The following CYFIP2 variants were observed in gnomAD, a reference collection of about 807,000 sequenced individuals.
CYFIP2 encodes the protein cytoplasmic FMR1 interacting protein 2.
CYFIP2 carries 29 observed loss-of-function variants against 158.7 expected under a neutral mutation model. The observed-to-expected ratio is 0.18, with a 90% CI of 0.14 to 0.25. CYFIP2 has a LOEUF of 0.25. Among genes scored for constraint, CYFIP2 ranks in the 10% least tolerant of loss-of-function variants. The probability of loss-of-function intolerance (pLI) is 1.00; values close to 1 mark genes in which losing one functional copy is unlikely to be tolerated. For synonymous variants in CYFIP2, 585 were observed against 617.6 expected, an observed-to-expected ratio of 0.95 and a Z score of 0.78; for missense variants, 852 against 1,639.5, an observed-to-expected ratio of 0.52 and a Z score of 8.29.
rs1413500030 is a variant in CYFIP2 at position 157,304,519 on chromosome 5, T to A, written c.795+153T>A. 4 of 821,294 alleles carry A rather than the reference T, an allele frequency of 4.9e-6. No homozygotes were observed. The East Asian group carries it at 1.1e-4, about 22-fold the overall frequency. 50.9% of individuals were successfully genotyped at this position (821,294 alleles called of 1,614,324 possible). A position where few individuals can be genotyped will look rare whatever the true frequency, so the allele number is the denominator to read the frequency against. The stretch of plus-strand genomic sequence containing the variant: ...AATGGTTTGTAACCTGTTCCTTTCC[T>A]GTAATATAATATACCGTAGTCACCT... On this transcript the variant is annotated intron_variant, in intron 8 of 30. Transcript: ENST00000620254.
intron 26 of CYFIP2, among the ~76,000 whole-genome samples, chr5:157,372,744 A>C (rs1765107248): frequency 6.6e-6 from 1 of 152,204 alleles, no homozygotes; most frequent in South Asian, 2.1e-4. Flanking sequence ...ATACCAGTTT[A>C]AGATCCAAGA....
rs147183365 is a variant in CYFIP2 at position 157,360,754 on chromosome 5, C to T, written c.2908+382C>T. Among the ~76,000 whole-genome samples, 315 of 152,324 alleles carry T rather than the reference C, an allele frequency of 2.1e-3. 1 individual carries two copies. The highest frequency in any genetic ancestry group is 7.0e-3 in the African/African-American group (289 of 41,564). On this transcript the variant is annotated intron_variant, in intron 25 of 30. Coordinates refer to ENST00000620254, the MANE Select transcript of CYFIP2 (RefSeq NM_001037333.3). ...TCCAGGCAGTGGTGCCAAGTTGACACATCTAAGATAAGTCAGGAAATGGAC... is the reference window on the plus strand; with the variant it reads ...TCCAGGCAGTGGTGCCAAGTTGACATATCTAAGATAAGTCAGGAAATGGAC...
chr5:157,286,552 G>A (rs1190188326), intron 2 of CYFIP2, among the ~76,000 whole-genome samples: 5 of 138,118 alleles, frequency 3.6e-5, no homozygotes, highest in African/African-American at 1.4e-4. Context: ...GCTATTTTAT[G>A]TATATATATA....
rs1262620140 is a variant in CYFIP2 at position 157,311,400 on chromosome 5, A to C, written c.993-264A>C. 2.0e-6 allele frequency: 1 copy of C among 508,380 alleles called. No homozygotes were observed. Among genetic ancestry groups the C allele is most frequent in the Non-Finnish European group, 3.6e-6 (1 of 279,534 alleles). The allele number at this position is 508,380 out of a possible 1,614,324, so 31.5% of individuals were successfully genotyped here. On this transcript the variant is annotated intron_variant, in intron 10 of 30. Transcript: ENST00000620254. This position sits in a 1 kb window ranked among gnomAD's most constrained non-coding sequence, Gnocchi z 4.7. ...CGCCCCTCTCATATTACTGGTAAGTATTATGGACCAGGTATCTGGAAAGGC... is the reference window on the plus strand; with the variant it reads ...CGCCCCTCTCATATTACTGGTAAGTCTTATGGACCAGGTATCTGGAAAGGC...
chr5:157,386,992 A>G lies in CYFIP2; in HGVS notation c.3208-2197A>G, dbSNP rs140751026. On this transcript the variant is annotated intron_variant, in intron 28 of 30. Coordinates refer to ENST00000620254, the MANE Select transcript of CYFIP2 (RefSeq NM_001037333.3). ...GTTCATAATTGTGAGTTTGTAAACAATTTAAGATAACCAAGTATATACGAC... is the reference window on the plus strand; with the variant it reads ...GTTCATAATTGTGAGTTTGTAAACAGTTTAAGATAACCAAGTATATACGAC... Among the ~76,000 whole-genome samples, 428 of 152,084 alleles carry G rather than the reference A, an allele frequency of 2.8e-3. 2 individuals carry two copies. The highest frequency in any genetic ancestry group is 0.01 in the African/African-American group (417 of 41,490).
At chr5:157,340,230 CA>C (rs539778351) in intron 22 of CYFIP2, among the ~76,000 whole-genome samples, 1 of 151,666 alleles carries the variant, frequency 6.6e-6, no homozygotes, top group African/African-American at 2.4e-5. Flanking sequence ...TGTAAGGATG[CA>C]AAAAAAATGT....
intron 26 of CYFIP2, chr5:157,375,630 T>G (rs1220531027): frequency 9.4e-6 from 1 of 105,830 alleles, no homozygotes; most frequent in African/African-American, 3.8e-5. Context: ...GTTGATTTTT[T>G]TTTGCGATTT....
At chr5:157,380,526 C>T (rs1196728678) in intron 26 of CYFIP2, among the ~76,000 whole-genome samples, 1 of 152,150 alleles carries the variant, frequency 6.6e-6, no homozygotes, top group Non-Finnish European at 1.5e-5. Flanking sequence ...GTGGTTTTGT[C>T]TCCAAAAAAT....
Position 157,361,664 on chromosome 5 carries a change from T to C in CYFIP2, c.3039+66T>C. 1.3e-6 allele frequency: 2 copies of C among 1,594,308 alleles called. No individual in the cohort carries two copies. The highest frequency in any genetic ancestry group is 8.6e-7 in the Non-Finnish European group (1 of 1,166,342). ...GGAGGGGATGCCAACCCCAAGCAGA[T>C]ATTGAGGCTCCTGCAGCATTGATTT... is the stretch of plus-strand genomic sequence containing the variant. On this transcript the variant is annotated intron_variant, in intron 26 of 30. Transcript: ENST00000620254. This position sits in a 1 kb window ranked among gnomAD's most constrained non-coding sequence, Gnocchi z 4.4.
In CYFIP2 at chr5:157,285,398, A is replaced by G. The variant is rs1359793519; in HGVS notation, c.37A>G (p.Asn13Asp). 6.3e-7 allele frequency: 1 copy of G among 1,579,406 alleles called. No individual in the cohort carries two copies. Reference sequence around the variant, plus strand: ...CGTCACCCTGGAAGATGCCCTGTCCAACGTGGACCTGCTTGAAGAGCTTCC... The same window carrying G: ...CGTCACCCTGGAAGATGCCCTGTCCGACGTGGACCTGCTTGAAGAGCTTCC... ...THVTLEDALS[N>D]VDLLEELPLP... The change falls in exon 2 of 31, where the codon AAC becomes GAC. Residue 13 changes from asparagine (N) to aspartate (D), a missense_variant. By Grantham distance (23) the Asn-to-Asp change is conservative (BLOSUM62 1). Coordinates refer to ENST00000620254, the MANE Select transcript of CYFIP2 (RefSeq NM_001037333.3).
In CYFIP2 at chr5:157,330,758, C is replaced by T. The variant is rs535692197; in HGVS notation, c.2173C>T (p.Arg725Cys). The change falls in exon 20 of 31, where the codon CGT becomes TGT. Residue 725 changes from arginine to cysteine, a missense_variant. By Grantham distance (180) the Arg-to-Cys change is radical (BLOSUM62 -3). Transcript: ENST00000620254. Reference sequence around the variant, plus strand: ...TCCTTGCAGTGTCCTGTTGGATAAACGTTTTCGAGCTGAGTGTAAGAATTA... The same window carrying T: ...TCCTTGCAGTGTCCTGTTGGATAAATGTTTTCGAGCTGAGTGTAAGAATTA... Reference protein sequence around the residue: ...AMAGSVLLDKRFRAECKNYGV... With the variant: ...AMAGSVLLDKCFRAECKNYGV... 4.3e-6 allele frequency: 7 copies of T among 1,613,970 alleles called. No homozygotes were observed. The South Asian group carries it at 5.5e-5, about 13-fold the overall frequency.
At chr5:157,354,807 C>G (rs1166733820) in intron 23 of CYFIP2, among the ~76,000 whole-genome samples, 2 of 152,172 alleles carry the variant, frequency 1.3e-5, no homozygotes, top group African/African-American at 4.8e-5. Flanking sequence ...AGTTCCAATA[C>G]TATTCTCCGC....
rs192656799 is a variant in CYFIP2, at chr5:157,275,103, C to G, written c.-24+8908C>G. Among the ~76,000 whole-genome samples, 813 of 152,248 alleles carry G rather than the reference C, an allele frequency of 5.3e-3. 4 individuals carry two copies. The highest frequency in any genetic ancestry group is 0.018 in the African/African-American group (753 of 41,550). ...TTATTTACATATTTTATATACTTAG[C>G]AAATACATGATTTGCAAATATTTTC... On this transcript the variant is annotated intron_variant, in intron 1 of 30. Transcript: ENST00000620254.
chr5:157,298,679 A>G (rs1010097940), intron 5 of CYFIP2, among the ~76,000 whole-genome samples: 3 of 151,946 alleles, frequency 2.0e-5, no homozygotes, highest in Non-Finnish European at 4.4e-5. Flanking sequence ...CATTACCCCA[A>G]AAAGAAACCC....
intron 1 of CYFIP2, among the ~76,000 whole-genome samples, chr5:157,272,301 G>A (rs1756169934): frequency 6.6e-6 from 1 of 152,224 alleles, no homozygotes; most frequent in Non-Finnish European, 1.5e-5. Context: ...CGGAGGACAG[G>A]AGCAGGGGAC....
chr5:157,383,645 CT>C, intron 28 of CYFIP2: 1 of 257,178 alleles, frequency 3.9e-6, no homozygotes, highest in Non-Finnish European at 7.5e-6. Flanking sequence ...TATCAAGAAT[CT>C]GTTACTTTGC....
chr5:157,383,435 T>C (rs1766329695), intron 28 of CYFIP2, 76 bp downstream of exon 28: 2 of 1,354,018 alleles, frequency 1.5e-6, no homozygotes, highest in East Asian at 4.8e-5. Flanking sequence ...CCCCTCATTG[T>C]ACAGGTCAGG....
At chr5:157,321,358 A>G (rs1479254413) in intron 15 of CYFIP2, among the ~76,000 whole-genome samples, 1 of 152,220 alleles carries the variant, frequency 6.6e-6, no homozygotes. Flanking sequence ...TTAGTTCCAC[A>G]TCCTTCCAAA....
At chr5:157,387,256 T>A (rs1766791164) in intron 28 of CYFIP2, among the ~76,000 whole-genome samples, 1 of 152,188 alleles carries the variant, frequency 6.6e-6, no homozygotes, top group African/African-American at 2.4e-5. Flanking sequence ...TTTTCTTTTT[T>A]CCTAACCACT....
Sources: gnomAD v4.1 joint callset for allele counts (sites outside exome capture counted in the v4.1 genomes callset) on GRCh38, gnomAD v4.1.1 for gene constraint, Gnocchi (gnomAD v3.1) non-coding constraint, MANE v1.5 for transcripts, NCBI Gene and HGNC (gene_info 2026-07-23, HGNC 2026-07-21) for gene names.